PCDH9: variants seen among roughly 807,000 people sequenced by gnomAD.
The protein encoded by PCDH9 is protocadherin 9.
Under a neutral mutation model 70.6 loss-of-function variants are expected in PCDH9, and 24 were observed. The observed-to-expected ratio is 0.34, with a 90% CI of 0.25 to 0.48. PCDH9 has a LOEUF of 0.48. Ranked by LOEUF, PCDH9 falls within the 20% of genes least tolerant of loss-of-function variation. PCDH9 has a pLI of 0.99. For synonymous variants in PCDH9, 562 were observed against 558.5 expected (o/e 1.01, Z -0.09); for missense variants, 1,281 against 1,503.6 (o/e 0.85, Z 2.45).
intron 4 of PCDH9, among the ~76,000 whole-genome samples, chr13:66,570,979 T>C (rs1242525312): frequency 6.6e-6 from 1 of 152,008 alleles, no homozygotes; most frequent in African/African-American, 2.4e-5. Flanking sequence ...TGCATAAATA[T>C]CTGAATGAAC....
rs35496834 is a variant in PCDH9 at position 66,512,282 on chromosome 13, TTATA to T, written c.3340+118924_3340+118927del. On this transcript the variant is annotated intron_variant, in intron 4 of 4. Transcript: ENST00000377865. ...AAAATATATACAGATACCTTAGGAA[TTATA>T]TATATATATATATATATACACAATA... 4.8e-4 allele frequency among the ~76,000 whole-genome samples: 70 copies of T among 144,374 alleles called. No homozygotes were observed. In the South Asian group the frequency reaches 6.3e-3, roughly 13 times the overall value. The allele number at this position is 144,374 out of a possible 152,430, so 94.7% of individuals were successfully genotyped here.
intron 2 of PCDH9, among the ~76,000 whole-genome samples, chr13:67,080,032 G>C (rs2085953275): frequency 6.6e-6 from 1 of 152,102 alleles, no homozygotes; most frequent in South Asian, 2.1e-4. Context: ...TAATGATTTA[G>C]ATTTTCCTGC....
At chr13:66,504,978 A>G (rs1243303067) in intron 4 of PCDH9, among the ~76,000 whole-genome samples, 1 of 152,178 alleles carries the variant, frequency 6.6e-6, no homozygotes, top group East Asian at 1.9e-4. Flanking sequence ...GCTTCCAGGT[A>G]TATCTCAGAA....
chr13:66,609,595 AT>A (rs538680382), intron 4 of PCDH9, among the ~76,000 whole-genome samples: 7 of 152,084 alleles, frequency 4.6e-5, no homozygotes, highest in Non-Finnish European at 7.4e-5. Context: ...TATAAAGCAG[AT>A]TTTTTTGAAT....
intron 3 of PCDH9, among the ~76,000 whole-genome samples, chr13:66,884,331 C>T (rs954447743): frequency 6.6e-6 from 1 of 152,126 alleles, no homozygotes; most frequent in Non-Finnish European, 1.5e-5. Context: ...TGTGTATTCC[C>T]ATAGCATCTG....
intron 4 of PCDH9, among the ~76,000 whole-genome samples, chr13:66,445,959 T>C (rs1051915609): frequency 2.6e-5 from 4 of 151,616 alleles, no homozygotes; most frequent in Middle Eastern, 3.2e-3. Context: ...TTCCACAAAA[T>C]GGAATGTCAT....
chr13:67,077,030 GC>G (rs2138172844), intron 2 of PCDH9, among the ~76,000 whole-genome samples: 1 of 152,222 alleles, frequency 6.6e-6, no homozygotes, highest in African/African-American at 2.4e-5. Context: ...GCATAAGGTT[GC>G]CTTGTTTCTG....
intron 3 of PCDH9, among the ~76,000 whole-genome samples, chr13:66,687,099 G>A (rs908326351): frequency 6.6e-6 from 1 of 152,078 alleles, no homozygotes; most frequent in African/African-American, 2.4e-5. Flanking sequence ...TATGAGATGA[G>A]GGTTATTAAG....
chr13:66,631,353 C>A lies in PCDH9; in HGVS notation c.3197G>T (p.Ser1066Ile). The A allele has an allele frequency of 6.2e-7, 1 of 1,610,862 alleles. No individual in the cohort carries two copies. The highest frequency in any genetic ancestry group is 8.5e-7 in the Non-Finnish European group (1 of 1,177,050). ...CACCGGCTCATGGTCTCCTAGACCA[C>A]TGTCACTGCAGCTTTCCTGGGAGCC... ...PDGSQESCSDSGLGDHEPVGS... is the reference protein window; with the variant it reads ...PDGSQESCSDIGLGDHEPVGS... Residue 1066 changes from serine to isoleucine, a missense_variant, in exon 4 of 5, where the codon AGT becomes ATT. Physicochemically the swap from Ser to Ile is moderately radical, Grantham distance 142. Around this residue, in one of 4 missense-constraint regions of PCDH9, gnomAD observed 264 missense variants for 278.8 expected, o/e 0.95. Transcript: ENST00000377865.
At chr13:66,837,267 A>T (rs923302381) in intron 3 of PCDH9, among the ~76,000 whole-genome samples, 6 of 152,210 alleles carry the variant, frequency 3.9e-5, no homozygotes, top group African/African-American at 1.4e-4. Flanking sequence ...CTTAATAAAT[A>T]CAGAGCATTT....
intron 2 of PCDH9, among the ~76,000 whole-genome samples, chr13:67,129,377 A>G (rs2087053557): frequency 6.6e-6 from 1 of 152,154 alleles, no homozygotes; most frequent in African/African-American, 2.4e-5. Flanking sequence ...AATGCATGAT[A>G]GACATGTGCA....
chr13:67,077,198 C>T (rs1376721884), intron 2 of PCDH9, among the ~76,000 whole-genome samples: 1 of 152,134 alleles, frequency 6.6e-6, no homozygotes, highest in Non-Finnish European at 1.5e-5. Flanking sequence ...ATCAACATTG[C>T]CCATTAATCT....
intron 3 of PCDH9, among the ~76,000 whole-genome samples, chr13:66,784,380 G>C (rs1253789028): frequency 2.0e-5 from 3 of 152,040 alleles, no homozygotes; most frequent in Non-Finnish European, 4.4e-5. Context: ...GCAGTGTAGA[G>C]TTGTAAAAGC....
chr13:66,678,895 T>C (rs1240043889), intron 3 of PCDH9, among the ~76,000 whole-genome samples: 1 of 151,702 alleles, frequency 6.6e-6, no homozygotes, highest in Non-Finnish European at 1.5e-5. Context: ...AGAGCTCTAG[T>C]GAACACTCAA....
chr13:67,085,336 A>G, intron 2 of PCDH9, among the ~76,000 whole-genome samples: 1 of 149,796 alleles, frequency 6.7e-6, no homozygotes, highest in East Asian at 1.9e-4. Context: ...TTATCAAAAC[A>G]TAACAAAAAA....
intron 4 of PCDH9, among the ~76,000 whole-genome samples, chr13:66,478,644 T>C (rs890928646): frequency 2.0e-5 from 3 of 152,174 alleles, no homozygotes; most frequent in Non-Finnish European, 2.9e-5. Flanking sequence ...CAACTTTTCT[T>C]TAAGCCAAAA....
chr13:67,090,718 AAAG>A (rs1267157436), intron 2 of PCDH9, among the ~76,000 whole-genome samples: 6 of 152,046 alleles, frequency 3.9e-5, no homozygotes, highest in Non-Finnish European at 8.8e-5. Context: ...AATACGAAAA[AAAG>A]AAGATATGAG....
At chr13:66,340,202 A>G (rs1211126322) in intron 4 of PCDH9, among the ~76,000 whole-genome samples, 1 of 152,214 alleles carries the variant, frequency 6.6e-6, no homozygotes, top group African/African-American at 2.4e-5. Context: ...ACCAAAATTC[A>G]TTTGGCAAGA....
At chr13:66,622,251 G>C (rs1042372654) in intron 4 of PCDH9, among the ~76,000 whole-genome samples, 3 of 152,170 alleles carry the variant, frequency 2.0e-5, no homozygotes, top group Non-Finnish European at 4.4e-5. Flanking sequence ...GCTCCTGTGC[G>C]GCCGAGGAGC....
Sources: gnomAD v4.1 joint callset for allele counts (sites outside exome capture counted in the v4.1 genomes callset) on GRCh38, gnomAD v4.1.1 for gene constraint, gnomAD v4.1.1 regional missense constraint, MANE v1.5 for transcripts, NCBI Gene and HGNC (gene_info 2026-07-23, HGNC 2026-07-21) for gene names.